Variants in PIBF1 observed in about 807,000 individuals in gnomAD.
PIBF1 encodes the protein progesterone-induced-blocking factor 1.
PIBF1 carries 90 observed loss-of-function variants against 112.5 expected under a neutral mutation model. The ratio of observed to expected loss-of-function variants is 0.80; its 90% confidence interval spans 0.67 to 0.95. The LOEUF (loss-of-function observed/expected upper bound fraction) is 0.95, where lower values mean the gene tolerates loss of function less well. Ranked by LOEUF, PIBF1 falls within the 40% of genes least tolerant of loss-of-function variation. The probability of loss-of-function intolerance (pLI) is 0.00; values close to 1 mark genes in which losing one functional copy is unlikely to be tolerated. For synonymous variants in PIBF1, 301 were observed against 288.6 expected (o/e 1.04, Z -0.44); for missense variants, 915 against 852.3 (o/e 1.07, Z -0.92).
chr13:72,993,188 G>T (rs1284820810), intron 16 of PIBF1, among the ~76,000 whole-genome samples: 1 of 152,066 alleles, frequency 6.6e-6, no homozygotes, highest in East Asian at 1.9e-4. Context: ...GCCGGGCATG[G>T]TTGGTGCATG....
intron 2 of PIBF1, among the ~76,000 whole-genome samples, chr13:72,790,962 G>A (rs1469132653): frequency 6.6e-6 from 1 of 152,210 alleles, no homozygotes; most frequent in Non-Finnish European, 1.5e-5. Flanking sequence ...TGATTCAGTA[G>A]AGAAGAGGGA....
rs116658917 is a variant in PIBF1, at chr13:72,859,788, G to A, written c.1322+5633G>A. ...AGAAGTTATATGTAGAATGTGATCTGTAATTACCTTACCTATAGAATTATG... is the reference window on the plus strand; with the variant it reads ...AGAAGTTATATGTAGAATGTGATCTATAATTACCTTACCTATAGAATTATG... On this transcript the variant is annotated intron_variant, in intron 10 of 17. Transcript: ENST00000326291. Among the ~76,000 whole-genome samples the A allele has an allele frequency of 6.4e-3, 973 of 152,222 alleles. 13 individuals carry two copies. Among genetic ancestry groups the A allele is most frequent in the African/African-American group, 0.022 (903 of 41,532 alleles).
intron 13 of PIBF1, among the ~76,000 whole-genome samples, chr13:72,922,385 T>C (rs2138719648): frequency 6.6e-6 from 1 of 152,324 alleles, no homozygotes; most frequent in Non-Finnish European, 1.5e-5. Flanking sequence ...CTTGAAAATC[T>C]GAAGTAATGT....
In PIBF1 at chr13:72,783,627, G is replaced by A. The variant is rs1454565631; in HGVS notation, c.158G>A (p.Arg53Gln). Reference protein sequence around the residue: ...KVRITRQLIERKELLHNIQLL... With the variant: ...KVRITRQLIEQKELLHNIQLL... ...AGAATCACCAGGCAGCTAATTGAAC[G>A]AAAAGAACTACTTCATAATATTCAG... The change falls in exon 2 of 18, where the codon CGA becomes CAA. Residue 53 changes from arginine to glutamine, a missense_variant. Physicochemically the swap from Arg to Gln is conservative, Grantham distance 43. Transcript: ENST00000326291. 3 of 1,613,960 alleles carry A rather than the reference G, an allele frequency of 1.9e-6. No individual in the cohort carries two copies. The highest frequency in any genetic ancestry group is 2.5e-6 in the Non-Finnish European group (3 of 1,179,862).
At chr13:72,924,913 T>C (rs7984943) in intron 13 of PIBF1, among the ~76,000 whole-genome samples, 113,107 of 152,058 alleles carry the variant, frequency 0.74, 42,464 homozygotes, top group African/African-American at 0.82. Context: ...AATAGAGATC[T>C]GTGAAGGCTG....
intron 13 of PIBF1, among the ~76,000 whole-genome samples, chr13:72,920,414 T>TAC (rs1283406469): frequency 1.3e-5 from 2 of 152,172 alleles, no homozygotes; most frequent in Admixed American, 1.3e-4. Context: ...TTCAACAACT[T>TAC]TTATTGAGTG....
intron 14 of PIBF1, among the ~76,000 whole-genome samples, chr13:72,941,845 G>T (rs988711445): frequency 6.6e-6 from 1 of 152,110 alleles, no homozygotes; most frequent in African/African-American, 2.4e-5. Context: ...TAATATATTT[G>T]TGTGTGTGCA....
At chr13:72,821,411 CATTA>C (rs1490488178) in intron 5 of PIBF1, among the ~76,000 whole-genome samples, 1 of 152,094 alleles carries the variant, frequency 6.6e-6, no homozygotes, top group Non-Finnish European at 1.5e-5. Flanking sequence ...TTAATCTCTT[CATTA>C]ATTATTTTTC....
chr13:72,846,252 A>G (rs968150589), intron 9 of PIBF1, among the ~76,000 whole-genome samples: 3 of 152,094 alleles, frequency 2.0e-5, no homozygotes, highest in Non-Finnish European at 4.4e-5. Context: ...CTATTCTTCC[A>G]CTTGCCCAGA....
chr13:72,811,362 G>A (rs1485850409), intron 5 of PIBF1, among the ~76,000 whole-genome samples: 1 of 152,000 alleles, frequency 6.6e-6, no homozygotes, highest in Admixed American at 6.6e-5. Flanking sequence ...CAGCACTCTG[G>A]GAGCCCAATG....
chr13:72,882,466 T>C (rs1461467501), intron 10 of PIBF1, among the ~76,000 whole-genome samples: 2 of 152,130 alleles, frequency 1.3e-5, no homozygotes, highest in South Asian at 2.1e-4. Flanking sequence ...ACCTCCTGCA[T>C]AGCAAAGGAA....
chr13:72,941,920 A>C (rs2042020712), intron 14 of PIBF1, among the ~76,000 whole-genome samples: 1 of 152,218 alleles, frequency 6.6e-6, no homozygotes, highest in Non-Finnish European at 1.5e-5. Flanking sequence ...AAATGAAAAA[A>C]ATCTGAAAAT....
intron 10 of PIBF1, among the ~76,000 whole-genome samples, chr13:72,861,050 T>G (rs977257258): frequency 6.6e-5 from 10 of 152,204 alleles, no homozygotes; most frequent in Admixed American, 1.3e-4. Flanking sequence ...CTACATAGAA[T>G]ACTATATTGG....
rs539101933 is a variant in PIBF1, at chr13:72,956,615, A to G, written c.1834-8659A>G. On this transcript the variant is annotated intron_variant, in intron 14 of 17. Coordinates refer to ENST00000326291, the MANE Select transcript of PIBF1 (RefSeq NM_006346.4). ...AATTCTGTCCTGTTTTGGCATTACA[A>G]CACAATTCTCCCTGGCTCTCGTCCT... 7.0e-4 allele frequency among the ~76,000 whole-genome samples: 106 copies of G among 152,240 alleles called. 1 individual carries two copies. Among genetic ancestry groups the G allele is most frequent in the African/African-American group, 2.6e-3 (106 of 41,524 alleles).
At chr13:72,972,117 T>G (rs1372137679) in intron 15 of PIBF1, among the ~76,000 whole-genome samples, 1 of 151,864 alleles carries the variant, frequency 6.6e-6, no homozygotes, top group Non-Finnish European at 1.5e-5. Context: ...CACTGCAGCC[T>G]CAAACTCCTG....
Position 72,846,557 on chromosome 13 carries a change from T to C in PIBF1, c.1224-7500T>C, listed in dbSNP as rs572066521. Among the ~76,000 whole-genome samples the C allele has an allele frequency of 7.1e-4, 108 of 152,334 alleles. 1 individual carries two copies. Among genetic ancestry groups the C allele is most frequent in the African/African-American group, 2.6e-3 (108 of 41,578 alleles). On this transcript the variant is annotated intron_variant, in intron 9 of 17. Coordinates refer to ENST00000326291, the MANE Select transcript of PIBF1 (RefSeq NM_006346.4). ...AAATGATTACAGTGGCCTGTGATCC[T>C]ACCTGATCAGTATTCAGTTATCCTA...
chr13:72,800,311 C>T (rs1038461103), intron 5 of PIBF1, among the ~76,000 whole-genome samples: 1 of 152,250 alleles, frequency 6.6e-6, no homozygotes, highest in Admixed American at 6.5e-5. Context: ...GCTGGGATTA[C>T]AGGCGTGAGC....
intron 11 of PIBF1, among the ~76,000 whole-genome samples, chr13:72,904,221 G>A (rs2040600653): frequency 6.6e-6 from 1 of 151,096 alleles, no homozygotes; most frequent in Non-Finnish European, 1.5e-5. Context: ...TGAAATTATA[G>A]GTCATTAAAC....
intron 9 of PIBF1, among the ~76,000 whole-genome samples, chr13:72,847,118 T>A (rs2037911787): frequency 6.6e-6 from 1 of 152,262 alleles, no homozygotes; most frequent in African/African-American, 2.4e-5. Flanking sequence ...TGTCAGCTAC[T>A]TTGTAAATCT....
Sources: allele counts gnomAD v4.1 joint callset (sites outside exome capture counted in the v4.1 genomes callset), GRCh38; gene constraint gnomAD v4.1.1; transcripts MANE v1.5; gene names NCBI Gene and HGNC (gene_info 2026-07-23, HGNC 2026-07-21).